DAPK1: variants seen among roughly 807,000 people sequenced by gnomAD.
The protein encoded by DAPK1 is death associated protein kinase 1, also known as death-associated protein kinase 1.
In DAPK1, 56 loss-of-function variants were observed where a neutral mutation model predicts 144.9. The observed-to-expected ratio is 0.39, with a 90% CI of 0.31 to 0.48. DAPK1 has a LOEUF of 0.48. Among genes scored for constraint, DAPK1 ranks in the 20% least tolerant of loss-of-function variants. The pLI is 0.95. For missense variants in DAPK1, 1,454 were observed against 1,875.4 expected, an observed-to-expected ratio of 0.78 and a Z score of 4.15; for synonymous variants, 690 against 749.0, an observed-to-expected ratio of 0.92 and a Z score of 1.29.
chr9:87,658,156 G>A (rs1830699598), intron 18 of DAPK1, 29 bp downstream of exon 18: 2 of 854,842 alleles, frequency 2.3e-6, no homozygotes, highest in Non-Finnish European at 2.0e-6. Context: ...TCGTGAAGGA[G>A]GGAGCTGCTG....
Position 87,686,417 on chromosome 9 carries a change from C to T in DAPK1, c.2225-134C>T. ...TGCCCTGCACGTGTGAGGGCAGACA[C>T]ACTCAGCCTGAAGCCAGAGTTGGGG... On this transcript the variant is annotated intron_variant, in intron 20 of 25. Transcript: ENST00000408954. The surrounding 1 kb of genome is among the most constrained non-coding windows in gnomAD (Gnocchi z 4.2). 1.6e-6 allele frequency: 1 copy of T among 629,350 alleles called. No individual in the cohort carries two copies. Among genetic ancestry groups the T allele is most frequent in the South Asian group, 1.8e-5 (1 of 55,028 alleles). 39.0% of individuals were successfully genotyped at this position (629,350 alleles called of 1,614,324 possible).
chr9:87,507,552 G>A (rs1476800645), intron 2 of DAPK1, among the ~76,000 whole-genome samples: 2 of 152,162 alleles, frequency 1.3e-5, no homozygotes, highest in Non-Finnish European at 2.9e-5. Flanking sequence ...TTTCAGTTGT[G>A]AGCTTGAAAA....
chr9:87,528,153 G>A (rs771162283), intron 2 of DAPK1, among the ~76,000 whole-genome samples: 4 of 152,046 alleles, frequency 2.6e-5, no homozygotes, highest in Non-Finnish European at 4.4e-5. Flanking sequence ...TTGAGCGTGC[G>A]TAAGCACCTT....
At chr9:87,705,087 ATG>A (rs1373899745) in intron 25 of DAPK1, among the ~76,000 whole-genome samples, 2 of 151,660 alleles carry the variant, frequency 1.3e-5, no homozygotes, top group African/African-American at 4.8e-5. Context: ...GGCCTTTTCT[ATG>A]TGTGTGTGTT....
rs1347547184 is a variant in DAPK1, at chr9:87,544,923, TC to T, written c.62+45786del. ...GGTGAGGTAGGGACACAGCTCTGCT[TC>T]CATGCACCTTTGCAGCCCAGTCCCC... is the stretch of plus-strand genomic sequence containing the variant. On this transcript the variant is annotated intron_variant, in intron 2 of 25. Transcript: ENST00000408954. 3.3e-5 allele frequency among the ~76,000 whole-genome samples: 5 copies of T among 152,294 alleles called. No individual in the cohort carries two copies. In the East Asian group the frequency reaches 9.7e-4, roughly 29 times the overall value.
intron 2 of DAPK1, among the ~76,000 whole-genome samples, chr9:87,504,746 T>A (rs1824526569): frequency 6.6e-6 from 1 of 152,212 alleles, no homozygotes. Context: ...GTCCCTTATA[T>A]AAAATGGCAT....
intron 21 of DAPK1, among the ~76,000 whole-genome samples, chr9:87,693,922 C>G (rs1197862158): frequency 6.6e-6 from 1 of 152,056 alleles, no homozygotes; most frequent in African/African-American, 2.4e-5. Context: ...GATGGGGATA[C>G]CACGTGGGCC....
At position 87,686,826 on chromosome 9, in the gene DAPK1, T is replaced by C; in HGVS notation, c.2413+87T>C. On this transcript the variant is annotated intron_variant, in intron 21 of 25. Transcript: ENST00000408954. The surrounding 1 kb of genome is among the most constrained non-coding windows in gnomAD (Gnocchi z 4.2). ...TCCCTAAAGGGAGCTTGTCCTGAGC[T>C]GTATCTGTCACTTCCAGAAGGAAAT... 2 of 1,387,998 alleles carry C rather than the reference T, an allele frequency of 1.4e-6. No individual in the cohort carries two copies. The highest frequency in any genetic ancestry group is 1.9e-6 in the Non-Finnish European group (2 of 1,027,172). 86.0% of individuals were successfully genotyped at this position (1,387,998 alleles called of 1,614,324 possible).
intron 3 of DAPK1, among the ~76,000 whole-genome samples, chr9:87,610,871 A>G (rs1828896632): frequency 6.6e-6 from 1 of 152,374 alleles, no homozygotes; most frequent in Non-Finnish European, 1.5e-5. Context: ...CAGTCAGTTC[A>G]TAGTATTCAC....
Position 87,499,143 on chromosome 9 carries a change from A to C in DAPK1, c.62+4A>C. The C allele has an allele frequency of 6.2e-7, 1 of 1,613,330 alleles. No individual in the cohort carries two copies. The highest frequency in any genetic ancestry group is 1.7e-5 in the Admixed American group (1 of 60,014). On this transcript the variant is annotated splice_donor_region_variant and intron_variant, in intron 2 of 25. Transcript: ENST00000408954. ...ACACCGGCGAGGAACTTGGCAGGTA[A>C]AGGGGGTACCAGAAGCGTACCCTCC...
At chr9:87,549,609 A>G (rs894648072) in intron 2 of DAPK1, among the ~76,000 whole-genome samples, 2 of 152,208 alleles carry the variant, frequency 1.3e-5, no homozygotes, top group Non-Finnish European at 2.9e-5. Flanking sequence ...CAAAGAATGT[A>G]GAATGAAGAA....
intron 2 of DAPK1, among the ~76,000 whole-genome samples, chr9:87,567,675 A>G (rs1436383075): frequency 1.3e-5 from 2 of 152,040 alleles, no homozygotes; most frequent in Non-Finnish European, 2.9e-5. Context: ...GTTAGGATTA[A>G]GCTTTTCTCA....
intron 2 of DAPK1, among the ~76,000 whole-genome samples, chr9:87,602,269 C>T (rs967975240): frequency 2.0e-5 from 3 of 152,198 alleles, no homozygotes; most frequent in African/African-American, 7.2e-5. Flanking sequence ...ACCCCAGCAT[C>T]CACACAGAGC....
intron 2 of DAPK1, among the ~76,000 whole-genome samples, chr9:87,518,764 A>G (rs1480078959): frequency 1.3e-5 from 2 of 152,142 alleles, no homozygotes; most frequent in Non-Finnish European, 2.9e-5. Context: ...ATCAGTGTCT[A>G]CACAGCTATG....
chr9:87,667,411 A>G (rs1442179047), intron 18 of DAPK1, among the ~76,000 whole-genome samples: 2 of 152,212 alleles, frequency 1.3e-5, no homozygotes, highest in African/African-American at 4.8e-5. Flanking sequence ...TTTGGTTGTC[A>G]CAACTGGGAG....
chr9:87,596,739 C>A (rs1828332833), intron 2 of DAPK1, among the ~76,000 whole-genome samples: 1 of 152,222 alleles, frequency 6.6e-6, no homozygotes, highest in South Asian at 2.1e-4. Flanking sequence ...CTGGGGCGAT[C>A]TGTTAAACCC....
chr9:87,636,573 C>T (rs1251275346), intron 3 of DAPK1, among the ~76,000 whole-genome samples: 3 of 152,126 alleles, frequency 2.0e-5, no homozygotes, highest in Admixed American at 6.5e-5. Context: ...GACTCTAGAC[C>T]GTGCTAAGGA....
intron 3 of DAPK1, among the ~76,000 whole-genome samples, chr9:87,623,833 G>A (rs1829395736): frequency 6.6e-6 from 1 of 152,140 alleles, no homozygotes. Context: ...CACCTCTGTA[G>A]AAAGCTGGGC....
Position 87,651,653 on chromosome 9 carries a change from T to A in DAPK1, c.1753T>A (p.Cys585Ser), listed in dbSNP as rs1364481971. The A allele has an allele frequency of 1.2e-6, 2 of 1,614,068 alleles. No individual in the cohort carries two copies. Among genetic ancestry groups the A allele is most frequent in the South Asian group, 2.2e-5 (2 of 91,092 alleles). The change falls in exon 17 of 26, where the codon TGT becomes AGT. Residue 585 changes from cysteine (C) to serine (S), a missense_variant. Coordinates refer to ENST00000408954, the MANE Select transcript of DAPK1 (RefSeq NM_004938.4). ...RHGNTPLHVA[C>S]KDGNMPIVVA... ...CGGCAATACTCCCCTCCATGTGGCA[T>A]GTAAAGATGGCAACATGCCTATCGT... is the stretch of plus-strand genomic sequence containing the variant.
Sources: allele counts gnomAD v4.1 joint callset (sites outside exome capture counted in the v4.1 genomes callset), GRCh38; gene constraint gnomAD v4.1.1; non-coding constraint Gnocchi (gnomAD v3.1); transcripts MANE v1.5; gene names NCBI Gene and HGNC (gene_info 2026-07-23, HGNC 2026-07-21).